Variants in ANGEL2 observed in about 807,000 individuals in gnomAD.
ANGEL2 encodes the protein angel homolog 2.
A neutral mutation model predicts 66.0 loss-of-function variants in ANGEL2; 41 were observed. The observed-to-expected ratio is 0.62, with a 90% confidence interval of 0.48 to 0.81. The LOEUF is 0.81. Among genes scored for constraint, ANGEL2 ranks in the 30% least tolerant of loss-of-function variants. The pLI is 0.00. For synonymous variants in ANGEL2, 208 were observed against 226.5 expected (o/e 0.92, Z 0.73); for missense variants, 561 against 641.6 (o/e 0.87, Z 1.36).
rs562101965 is a variant in ANGEL2, at chr1:213,010,398, C to G, written c.386-1932G>C. Among the ~76,000 whole-genome samples, 4 of 151,352 alleles carry G rather than the reference C, an allele frequency of 2.6e-5. No individual in the cohort carries two copies. In the East Asian group the frequency reaches 5.8e-4, roughly 22 times the overall value. On this transcript the variant is annotated intron_variant, in intron 2 of 8. Transcript: ENST00000366962. ...CATCCTGGCTAACACCGTGAAACCC[C>G]GTCTCTACTAAAAAATACAAAAATT...
At chr1:212,995,866 A>G (rs1356840932) in intron 8 of ANGEL2, among the ~76,000 whole-genome samples, 1 of 152,204 alleles carries the variant, frequency 6.6e-6, no homozygotes, top group Non-Finnish European at 1.5e-5. Flanking sequence ...GAAGCATCCA[A>G]AAAAATGGAA....
chr1:213,001,256 G>A (rs1409795746), intron 5 of ANGEL2: 4 of 237,576 alleles, frequency 1.7e-5, no homozygotes, highest in Non-Finnish European at 2.4e-5. Context: ...CAGGTACTGC[G>A]GGTTTGGTTT....
rs2102682597 is a variant in ANGEL2, at chr1:212,994,633, A to C, written c.*408T>G. 6.5e-6 allele frequency: 1 copy of C among 153,110 alleles called. No individual in the cohort carries two copies. The allele number at this position is 153,110 out of a possible 1,614,324, so 9.5% of individuals were successfully genotyped here. ...ATAGAGGGGTCTCCTAATGAAATCA[A>C]GCCTTCTGGAAAGGAAACAACTTGT... is the stretch of plus-strand genomic sequence containing the variant. On this transcript the variant is annotated 3_prime_UTR_variant, in exon 9 of 9. Transcript: ENST00000366962.
chr1:213,007,405 T>A (rs1403958599), intron 3 of ANGEL2, among the ~76,000 whole-genome samples: 2 of 152,174 alleles, frequency 1.3e-5, no homozygotes, highest in African/African-American at 2.4e-5. Context: ...TGGCCCTCAA[T>A]CACATGGAGC....
Position 213,015,793 on chromosome 1 carries a change from G to A in ANGEL2, c.-122C>T. 1.5e-6 allele frequency: 2 copies of A among 1,343,756 alleles called. No homozygotes were observed. Among genetic ancestry groups the A allele is most frequent in the Non-Finnish European group, 2.1e-6 (2 of 960,670 alleles). The allele number at this position is 1,343,756 out of a possible 1,614,324, so 83.2% of individuals were successfully genotyped here. A position where few individuals can be genotyped will look rare whatever the true frequency, so the allele number is the denominator to read the frequency against. On this transcript the variant is annotated 5_prime_UTR_variant, in exon 1 of 9. Transcript: ENST00000366962. The stretch of plus-strand genomic sequence containing the variant: ...CTCTTAAGTACCGACTCCAGTCCTG[G>A]CTGCAAGGCATGCTGGGAGGTGCAG...
intron 2 of ANGEL2, chr1:213,011,278 C>T (rs2076502078): frequency 7.8e-7 from 1 of 1,285,532 alleles, no homozygotes; most frequent in Non-Finnish European, 1.0e-6. Flanking sequence ...AAGCAATAGG[C>T]CTGATCAGGT....
intron 8 of ANGEL2, among the ~76,000 whole-genome samples, chr1:212,996,769 C>T (rs929777194): frequency 3.3e-5 from 5 of 149,556 alleles, no homozygotes; most frequent in South Asian, 2.1e-4. Flanking sequence ...GAAGGCAGGA[C>T]GCCTCGGTAA....
Position 212,993,777 on chromosome 1 carries a change from TTTAAATGACTA to T in ANGEL2, c.*1253_*1263del, listed in dbSNP as rs1395669579. ...GAAACAAAACCACTAAAACCAACAGTTTAAATGACTATTTACAGAGCATTAGGTCTCCAAGT... is the reference window on the plus strand; with the variant it reads ...GAAACAAAACCACTAAAACCAACAGTTTTACAGAGCATTAGGTCTCCAAGT... On this transcript the variant is annotated 3_prime_UTR_variant, in exon 9 of 9. Transcript: ENST00000366962. 1.2e-4 allele frequency: 18 copies of T among 152,244 alleles called. No individual in the cohort carries two copies. The highest frequency in any genetic ancestry group is 4.1e-4 in the African/African-American group (17 of 41,544). 9.4% of individuals were successfully genotyped at this position (152,244 alleles called of 1,614,324 possible). A position where few individuals can be genotyped will look rare whatever the true frequency, so the allele number is the denominator to read the frequency against.
At chr1:213,000,253 A>C (rs2148142432) in intron 7 of ANGEL2, 73 bp downstream of exon 7, 1 of 1,401,618 alleles carries the variant, frequency 7.1e-7, no homozygotes. Flanking sequence ...TTTTTATCCA[A>C]GTGATTTTTG....
chr1:213,001,001 C>A (rs997952760), intron 5 of ANGEL2, 89 bp from the exon 6 acceptor site: 2 of 1,296,378 alleles, frequency 1.5e-6, no homozygotes, highest in African/African-American at 1.5e-5. Flanking sequence ...AAAGGTAATC[C>A]AAAAGTGGTA....
rs112003433 is a variant in ANGEL2, at chr1:213,007,037, T to A, written c.712+92A>T. 1.6e-3 allele frequency: 2,007 copies of A among 1,220,158 alleles called. 19 individuals are homozygous for A. The African/African-American group carries it at 0.017, about 10-fold the overall frequency. The allele number at this position is 1,220,158 out of a possible 1,614,324, so 75.6% of individuals were successfully genotyped here. A position where few individuals can be genotyped will look rare whatever the true frequency, so the allele number is the denominator to read the frequency against. ...TGAGCCCAGTAGGTTGAGGCTGTAG[T>A]GAGCCATGATTGTGCCACTGCACTC... On this transcript the variant is annotated intron_variant, in intron 4 of 8. Transcript: ENST00000366962.
At chr1:213,005,518 A>C in intron 4 of ANGEL2, 64 bp from the exon 5 acceptor site, 5 of 1,422,320 alleles carry the variant, frequency 3.5e-6, no homozygotes, top group Non-Finnish European at 4.7e-6. Context: ...AACACAGCTC[A>C]CCTGATACTT....
chr1:213,003,603 T>C (rs1572128756), intron 5 of ANGEL2, among the ~76,000 whole-genome samples: 1 of 152,204 alleles, frequency 6.6e-6, no homozygotes, highest in South Asian at 2.1e-4. Context: ...TCTCATTTTA[T>C]ATGGGTACAG....
intron 7 of ANGEL2, among the ~76,000 whole-genome samples, chr1:212,998,879 T>A (rs959051620): frequency 2.0e-5 from 3 of 151,078 alleles, no homozygotes; most frequent in Non-Finnish European, 4.4e-5. Context: ...ATCTATTTTT[T>A]AAAATTATTA....
At chr1:213,010,609 A>G (rs2076480542) in intron 2 of ANGEL2, among the ~76,000 whole-genome samples, 2 of 151,840 alleles carry the variant, frequency 1.3e-5, no homozygotes, top group East Asian at 3.9e-4. Flanking sequence ...TGTGTAGAAC[A>G]CAATTCATTC....
At chr1:213,001,777 G>A (rs1033904315) in intron 5 of ANGEL2, 4 of 152,154 alleles carry the variant, frequency 2.6e-5, no homozygotes, top group Non-Finnish European at 5.9e-5. Context: ...ATCTTCACCA[G>A]GAATAGAATG....
At chr1:213,006,308 C>A (rs1285231634) in intron 4 of ANGEL2, among the ~76,000 whole-genome samples, 1 of 151,820 alleles carries the variant, frequency 6.6e-6, no homozygotes, top group Non-Finnish European at 1.5e-5. Context: ...AAAAAAAATT[C>A]AAAAAATTAG....
intron 5 of ANGEL2, among the ~76,000 whole-genome samples, chr1:213,003,700 T>C (rs1226790442): frequency 1.3e-5 from 2 of 152,076 alleles, no homozygotes; most frequent in African/African-American, 4.8e-5. Flanking sequence ...ATAATGAAAA[T>C]GCTTGAGTAA....
At chr1:213,011,328 C>G (rs371510265) in intron 2 of ANGEL2, 1 of 1,248,240 alleles carries the variant, frequency 8.0e-7, no homozygotes, top group Non-Finnish European at 1.0e-6. Flanking sequence ...TTGTATCACA[C>G]AAATCCTTCA....
Sources: gnomAD v4.1 joint callset for allele counts (sites outside exome capture counted in the v4.1 genomes callset) on GRCh38, gnomAD v4.1.1 for gene constraint, MANE v1.5 for transcripts, NCBI Gene and HGNC (gene_info 2026-07-23, HGNC 2026-07-21) for gene names.